NLGN4X: variants seen among roughly 807,000 people sequenced by gnomAD.
NLGN4X encodes the protein neuroligin-4, X-linked.
NLGN4X carries 3 observed loss-of-function variants against 40.3 expected under a neutral mutation model. The observed-to-expected ratio is 0.07, with a 90% confidence interval of 0.03 to 0.19. The LOEUF is 0.19. NLGN4X is among the 10% of genes least tolerant of loss of function. The pLI is 1.00. For missense variants in NLGN4X, 382 were observed against 708.3 expected (o/e 0.54, Z 5.23); for synonymous variants, 270 against 306.8 (o/e 0.88, Z 1.25).
intron 3 of NLGN4X, among the ~76,000 whole-genome samples, chrX:5,968,957 A>G (rs1049259685): frequency 1.3e-4 from 15 of 111,854 alleles, no homozygotes; most frequent in African/African-American, 4.9e-4. Context: ...AACAATGATT[A>G]AAGTCTGGAA....
chrX:6,147,995 G>T (rs1232769454), intron 2 of NLGN4X, among the ~76,000 whole-genome samples: 1 of 111,511 alleles, frequency 9.0e-6, no homozygotes, highest in Non-Finnish European at 1.9e-5. Flanking sequence ...CCTTCAGCAA[G>T]ACCTGATTTA....
At chrX:6,016,415 T>C (rs1353503610) in intron 3 of NLGN4X, among the ~76,000 whole-genome samples, 1 of 111,624 alleles carries the variant, frequency 9.0e-6, no homozygotes, top group African/African-American at 3.3e-5. Context: ...CCCCCAAACA[T>C]GATATCACTT....
chrX:6,178,784 C>T (rs1234174887), intron 1 of NLGN4X, among the ~76,000 whole-genome samples: 2 of 111,681 alleles, frequency 1.8e-5, no homozygotes, highest in Non-Finnish European at 1.9e-5. Context: ...AGTTCTTTCA[C>T]GGACTTATGC....
intron 2 of NLGN4X, among the ~76,000 whole-genome samples, chrX:6,080,821 ATG>A (rs1445874101): frequency 9.0e-6 from 1 of 111,429 alleles, no homozygotes. Context: ...GTTTACGACT[ATG>A]TGAAAATTTA....
At chrX:5,942,705 G>A (rs1196634850) in intron 3 of NLGN4X, among the ~76,000 whole-genome samples, 6 of 109,626 alleles carry the variant, frequency 5.5e-5, no homozygotes, top group Non-Finnish European at 1.1e-4. Context: ...GGGAGAGAAG[G>A]GGAGGGAAGG....
intron 3 of NLGN4X, among the ~76,000 whole-genome samples, chrX:5,990,406 C>A (rs949723678): frequency 7.2e-5 from 8 of 110,657 alleles, no homozygotes; most frequent in African/African-American, 2.6e-4. Flanking sequence ...CACAGAGACA[C>A]CCTGGGCGGG....
chrX:6,116,089 G>A (rs10856354), intron 2 of NLGN4X, among the ~76,000 whole-genome samples: 7 of 106,123 alleles, frequency 6.6e-5, no homozygotes, highest in Non-Finnish European at 1.2e-4. Context: ...GTCAGGAGAT[G>A]GAGACCATCC....
At chrX:5,980,385 T>C (rs1374274256) in intron 3 of NLGN4X, among the ~76,000 whole-genome samples, 1 of 110,003 alleles carries the variant, frequency 9.1e-6, no homozygotes, top group Non-Finnish European at 1.9e-5. Context: ...AGTTTTGATG[T>C]AGTCCAATGT....
intron 2 of NLGN4X, among the ~76,000 whole-genome samples, chrX:6,130,120 T>C (rs745805803): frequency 7.2e-5 from 8 of 111,405 alleles, no homozygotes; most frequent in Non-Finnish European, 1.3e-4. Flanking sequence ...AACTCCTGGA[T>C]CAAGTGATTC....
intron 2 of NLGN4X, chrX:6,061,784 C>T (rs755348978): frequency 8.9e-6 from 1 of 111,987 alleles, no homozygotes; most frequent in South Asian, 3.7e-4. Context: ...CAGTTGACTA[C>T]CTCTCTGTCA....
At chrX:5,912,325 C>T (rs2032517007) in intron 3 of NLGN4X, among the ~76,000 whole-genome samples, 1 of 111,244 alleles carries the variant, frequency 9.0e-6, no homozygotes, top group East Asian at 2.8e-4. Context: ...TTTCCACACC[C>T]CTATCATTGC....
At chrX:6,008,434 T>A (rs946569621) in intron 3 of NLGN4X, among the ~76,000 whole-genome samples, 1 of 112,290 alleles carries the variant, frequency 8.9e-6, no homozygotes, top group South Asian at 3.7e-4. Flanking sequence ...ATGAACCTTG[T>A]AAACCTTGTA....
chrX:6,038,723 A>C (rs2037083113), intron 2 of NLGN4X, among the ~76,000 whole-genome samples: 1 of 111,915 alleles, frequency 8.9e-6, no homozygotes, highest in Non-Finnish European at 1.9e-5. Context: ...AGCCTTCAGC[A>C]AAGGGGCTTT....
intron 3 of NLGN4X, among the ~76,000 whole-genome samples, chrX:6,014,837 C>G (rs761957106): frequency 8.9e-6 from 1 of 111,778 alleles, no homozygotes. Context: ...GTGGCTCATG[C>G]TGACATCTCT....
intron 3 of NLGN4X, among the ~76,000 whole-genome samples, chrX:5,938,915 C>T (rs1453470059): frequency 9.0e-6 from 1 of 110,935 alleles, no homozygotes; most frequent in East Asian, 2.8e-4. Flanking sequence ...TAACCCTAGA[C>T]AATCCCAATC....
chrX:6,145,572 T>G (rs898972746), intron 2 of NLGN4X, among the ~76,000 whole-genome samples: 7 of 112,428 alleles, frequency 6.2e-5, no homozygotes, highest in African/African-American at 1.9e-4. Context: ...TCTTGACTAA[T>G]GCAGAATGCC....
chrX:6,034,315 T>C (rs2036946440), intron 2 of NLGN4X, among the ~76,000 whole-genome samples: 1 of 112,468 alleles, frequency 8.9e-6, no homozygotes, highest in Non-Finnish European at 1.9e-5. Flanking sequence ...CATGCATCAA[T>C]ACTTCATTCC....
chrX:6,119,345 A>G (rs1002465978), intron 2 of NLGN4X, among the ~76,000 whole-genome samples: 6 of 112,464 alleles, frequency 5.3e-5, no homozygotes, highest in Non-Finnish European at 1.1e-4. Flanking sequence ...AGTTGATAAC[A>G]GCAACAGAAA....
At chrX:6,223,903 A>C (rs1320796043) in intron 1 of NLGN4X, among the ~76,000 whole-genome samples, 1 of 113,109 alleles carries the variant, frequency 8.8e-6, no homozygotes, top group Non-Finnish European at 1.9e-5. Flanking sequence ...TACAGTACTC[A>C]GACAAAAACA....
Sources: gnomAD v4.1 joint callset for allele counts (sites outside exome capture counted in the v4.1 genomes callset) on GRCh38, gnomAD v4.1.1 for gene constraint, MANE v1.5 for transcripts, NCBI Gene and HGNC (gene_info 2026-07-23, HGNC 2026-07-21) for gene names.